The following UBR2 variants were observed in gnomAD, a reference collection of about 807,000 sequenced individuals.
UBR2 encodes ubiquitin protein ligase E3 component n-recognin 2.
Under a neutral mutation model 247.9 loss-of-function variants are expected in UBR2, and 92 were observed. The ratio of observed to expected loss-of-function variants is 0.37; its 90% CI spans 0.31 to 0.44. UBR2 has a LOEUF of 0.44. UBR2 is among the 20% of genes least tolerant of loss of function. UBR2 has a pLI of 1.00. For synonymous variants in UBR2, 672 were observed against 693.5 expected, an observed-to-expected ratio of 0.97 and a Z score of 0.49; for missense variants, 1,613 against 2,112.6, an observed-to-expected ratio of 0.76 and a Z score of 4.64.
rs757647080 is a variant in UBR2, at chr6:42,676,198, CTT to C, written c.4387+8_4387+9del. ...TTACTTACCTCATGTACAGGTAACT[CTT>C]GCCTTTTTGTCAGTTTCTTGAAGGA... is the stretch of plus-strand genomic sequence containing the variant. On this transcript the variant is annotated splice_region_variant and intron_variant, in intron 39 of 46. Coordinates refer to ENST00000372901, the MANE Select transcript of UBR2 (RefSeq NM_001363705.2). 125 of 1,558,580 alleles carry C rather than the reference CTT, an allele frequency of 8.0e-5. No individual in the cohort carries two copies. Among genetic ancestry groups the C allele is most frequent in the Non-Finnish European group, 1.1e-4 (122 of 1,160,726 alleles).
chr6:42,632,069 A>ATATATATATATAT (rs1554254887), intron 11 of UBR2, among the ~76,000 whole-genome samples: 6 of 114,086 alleles, frequency 5.3e-5, no homozygotes, highest in African/African-American at 2.0e-4. Context: ...AAAAAAAAAA[A>ATATATATATATAT]ATATATATAT....
At chr6:42,651,038 A>G (rs1431364533) in intron 23 of UBR2, among the ~76,000 whole-genome samples, 1 of 152,086 alleles carries the variant, frequency 6.6e-6, no homozygotes, top group Non-Finnish European at 1.5e-5. Flanking sequence ...CCTGGCCAAC[A>G]TGTTGAAATC....
At chr6:42,663,095 T>C (rs571965849) in intron 31 of UBR2, among the ~76,000 whole-genome samples, 163 bp from the exon 32 acceptor site, 3 of 152,350 alleles carry the variant, frequency 2.0e-5, no homozygotes, top group African/African-American at 7.2e-5. Context: ...TTAATCCATT[T>C]GGATTTTTAA....
intron 18 of UBR2, among the ~76,000 whole-genome samples, chr6:42,643,489 G>A (rs1358159009): frequency 7.2e-5 from 11 of 152,090 alleles, no homozygotes; most frequent in Admixed American, 6.5e-4. Flanking sequence ...CCAGCTACTT[G>A]GGAGGCCAAG....
intron 11 of UBR2, 130 bp downstream of exon 11, chr6:42,617,637 C>G (rs902096121): frequency 2.6e-6 from 2 of 784,154 alleles, no homozygotes; most frequent in Non-Finnish European, 4.0e-6. Flanking sequence ...ACTTCAAACA[C>G]CTTCACTATT....
intron 11 of UBR2, among the ~76,000 whole-genome samples, chr6:42,620,664 A>G (rs1223192221): frequency 1.3e-5 from 2 of 151,514 alleles, no homozygotes; most frequent in African/African-American, 4.9e-5. Context: ...TATGTTGGCC[A>G]GGCTGGTCTC....
At chr6:42,617,666 C>T (rs953729994) in intron 11 of UBR2, among the ~76,000 whole-genome samples, 159 bp downstream of exon 11, 2 of 152,118 alleles carry the variant, frequency 1.3e-5, no homozygotes, top group Non-Finnish European at 2.9e-5. Context: ...AGAATATAAC[C>T]TTGAATATCA....
chr6:42,678,461 G>A, intron 40 of UBR2, 78 bp from the exon 41 acceptor site: 1 of 1,473,856 alleles, frequency 6.8e-7, no homozygotes, highest in Middle Eastern at 1.8e-4. Flanking sequence ...CCAAATGACA[G>A]TCAAGTCTGT....
chr6:42,672,077 G>A (rs1439994980), intron 36 of UBR2, among the ~76,000 whole-genome samples: 1 of 151,710 alleles, frequency 6.6e-6, no homozygotes, highest in Non-Finnish European at 1.5e-5. Context: ...CTGTTGCTCA[G>A]ACTGGAGTGC....
chr6:42,617,602 T>C (rs930721774), intron 11 of UBR2, 95 bp downstream of exon 11: 40 of 1,116,226 alleles, frequency 3.6e-5, no homozygotes, highest in African/African-American at 3.3e-4. Flanking sequence ...CTGAAAAGAA[T>C]AGTATTTTAT....
At chr6:42,585,969 G>A (rs187872661) in intron 2 of UBR2, among the ~76,000 whole-genome samples, 1 of 152,216 alleles carries the variant, frequency 6.6e-6, no homozygotes, top group Non-Finnish European at 1.5e-5. Context: ...GAAGTGCATT[G>A]CTAAACTTCC....
chr6:42,577,900 A>G (rs6920844), intron 2 of UBR2, among the ~76,000 whole-genome samples: 102,976 of 151,722 alleles, frequency 0.68, 35,542 homozygotes, highest in African/African-American at 0.81. Flanking sequence ...ATAATTTTGT[A>G]TAGGCTTTTT....
intron 25 of UBR2, among the ~76,000 whole-genome samples, chr6:42,653,606 CTTTTTTTTTTTT>C (rs72460060): frequency 4.0e-5 from 2 of 50,584 alleles, no homozygotes; most frequent in African/African-American, 1.8e-4. Flanking sequence ...ATGCTAAGCC[CTTTTTTTTTTTT>C]TTTTTTTTTT....
chr6:42,583,556 C>T (rs1792050697), intron 2 of UBR2, among the ~76,000 whole-genome samples: 2 of 149,654 alleles, frequency 1.3e-5, no homozygotes, highest in Non-Finnish European at 3.0e-5. Flanking sequence ...GAGACTTGCT[C>T]TGTTTCCCAG....
chr6:42,690,745 C>T (rs2151999933), intron 46 of UBR2, among the ~76,000 whole-genome samples: 1 of 152,260 alleles, frequency 6.6e-6, no homozygotes, highest in East Asian at 1.9e-4. Flanking sequence ...AGCCTCTCAA[C>T]CCAGACCCTC....
rs147953258 is a variant in UBR2 at position 42,664,457 on chromosome 6, C to T, written c.3699-952C>T. On this transcript the variant is annotated intron_variant, in intron 32 of 46. Coordinates refer to ENST00000372901, the MANE Select transcript of UBR2 (RefSeq NM_001363705.2). ...TCTCAATGTAGAATTATGCTATCTA[C>T]GTTGCATGCACAAATACTAAGTTAT... 1.5e-3 allele frequency among the ~76,000 whole-genome samples: 232 copies of T among 152,302 alleles called. 2 individuals are homozygous for T. Among genetic ancestry groups the T allele is most frequent in the African/African-American group, 4.8e-3 (199 of 41,564 alleles).
chr6:42,610,145 G>A (rs1215268157), intron 7 of UBR2, among the ~76,000 whole-genome samples: 1 of 152,140 alleles, frequency 6.6e-6, no homozygotes, highest in Non-Finnish European at 1.5e-5. Flanking sequence ...CCTGTGAATA[G>A]CCTCTGGGCA....
At chr6:42,593,717 G>A (rs1281929919) in intron 3 of UBR2, among the ~76,000 whole-genome samples, 2 of 152,146 alleles carry the variant, frequency 1.3e-5, no homozygotes, top group Non-Finnish European at 2.9e-5. Context: ...TATTTAAGGT[G>A]TATTAGAGAA....
chr6:42,603,676 C>A lies in UBR2; in HGVS notation c.620C>A (p.Thr207Asn). ...TTTCGGTATGCAGTAGAAATATTAACCTGGGAAAAAGAAAGTGAATTGCCA... is the reference window on the plus strand; with the variant it reads ...TTTCGGTATGCAGTAGAAATATTAAACTGGGAAAAAGAAAGTGAATTGCCA... The part of the protein sequence containing the change: ...ITFRYAVEIL[T>N]WEKESELPAD... Residue 207 changes from threonine to asparagine, a missense_variant, in exon 5 of 47, where the codon ACC becomes AAC. Around this residue, in one of 3 missense-constraint regions of UBR2, gnomAD observed 1,524 missense variants for 1,967.3 expected, o/e 0.77. Coordinates refer to ENST00000372901, the MANE Select transcript of UBR2 (RefSeq NM_001363705.2). The A allele has an allele frequency of 1.9e-6, 3 of 1,599,710 alleles. No individual in the cohort carries two copies. The highest frequency in any genetic ancestry group is 2.5e-6 in the Non-Finnish European group (3 of 1,176,652).
Sources: allele counts gnomAD v4.1 joint callset (sites outside exome capture counted in the v4.1 genomes callset), GRCh38; gene constraint gnomAD v4.1.1; regional missense constraint gnomAD v4.1.1; transcripts MANE v1.5; gene names NCBI Gene and HGNC (gene_info 2026-07-23, HGNC 2026-07-21).